The following RBMS3 variants were observed in gnomAD, a reference collection of about 807,000 sequenced individuals.
RBMS3 encodes RNA binding motif single stranded interacting protein 3.
In RBMS3, 27 loss-of-function variants were observed where a neutral mutation model predicts 66.8. That is an observed-to-expected ratio of 0.40 (90% CI 0.30 to 0.56). The LOEUF is 0.56. Ranked by LOEUF, RBMS3 falls within the 20% of genes least tolerant of loss-of-function variation. The pLI is 0.40. For missense variants in RBMS3, 513 were observed against 549.5 expected (o/e 0.93, Z 0.66); for synonymous variants, 188 against 183.0 (o/e 1.03, Z -0.22).
intron 1 of RBMS3, among the ~76,000 whole-genome samples, chr3:29,421,054 A>G (rs1054443179): frequency 2.2e-4 from 33 of 151,926 alleles, no homozygotes; most frequent in African/African-American, 7.0e-4. Flanking sequence ...CGGAGCTTGC[A>G]GTGAGCTAAG....
At chr3:29,703,352 A>C (rs940306721) in intron 4 of RBMS3, among the ~76,000 whole-genome samples, 2 of 152,248 alleles carry the variant, frequency 1.3e-5, no homozygotes, top group Admixed American at 6.5e-5. Flanking sequence ...GTGGGGAAGA[A>C]CTTGGCTGAA....
At chr3:29,999,706 A>C (rs1343123334) in intron 14 of RBMS3, among the ~76,000 whole-genome samples, 3 of 152,028 alleles carry the variant, frequency 2.0e-5, no homozygotes, top group Non-Finnish European at 4.4e-5. Context: ...GGAATTGAAC[A>C]ATGAGAACAC....
intron 6 of RBMS3, among the ~76,000 whole-genome samples, chr3:29,853,744 A>G (rs1489463353): frequency 2.0e-5 from 3 of 152,156 alleles, no homozygotes; most frequent in African/African-American, 7.2e-5. Context: ...TAGTCAGCCT[A>G]GGAAATCCAG....
chr3:29,667,991 T>C (rs1418407430), intron 4 of RBMS3, among the ~76,000 whole-genome samples: 9 of 152,208 alleles, frequency 5.9e-5, no homozygotes, highest in Non-Finnish European at 5.9e-5. Flanking sequence ...ACACTTCCTT[T>C]ACTATCTTTG....
chr3:29,508,307 C>T (rs1474729756), intron 3 of RBMS3, among the ~76,000 whole-genome samples: 1 of 152,022 alleles, frequency 6.6e-6, no homozygotes, highest in African/African-American at 2.4e-5. Flanking sequence ...ACCCACGAAC[C>T]CATCATCTAC....
At chr3:29,566,563 C>G (rs2046747909) in intron 3 of RBMS3, among the ~76,000 whole-genome samples, 1 of 145,674 alleles carries the variant, frequency 6.9e-6, no homozygotes, top group Admixed American at 7.0e-5. Flanking sequence ...TACCTGTCCC[C>G]AAATATTTGT....
chr3:29,979,061 G>T (rs1344880157), intron 12 of RBMS3, among the ~76,000 whole-genome samples: 2 of 152,134 alleles, frequency 1.3e-5, no homozygotes, highest in African/African-American at 4.8e-5. Flanking sequence ...GAGCCCAGGA[G>T]TTTGAGGTTA....
At chr3:29,759,646 T>C (rs1026163683) in intron 5 of RBMS3, among the ~76,000 whole-genome samples, 6 of 152,106 alleles carry the variant, frequency 3.9e-5, no homozygotes, top group African/African-American at 1.4e-4. Context: ...GAGAGGTTAA[T>C]TGTGAAACTT....
At chr3:29,994,168 G>A (rs936236354) in intron 14 of RBMS3, among the ~76,000 whole-genome samples, 12 of 152,192 alleles carry the variant, frequency 7.9e-5, no homozygotes, top group Non-Finnish European at 1.3e-4. Context: ...AAGGGGTGAC[G>A]GACGGCACCT....
At chr3:29,305,283 TG>T (rs1410855999) in intron 1 of RBMS3, among the ~76,000 whole-genome samples, 1 of 152,044 alleles carries the variant, frequency 6.6e-6, no homozygotes, top group African/African-American at 2.4e-5. Flanking sequence ...CTATTGTTAC[TG>T]GATATTTTTC....
At chr3:29,517,424 G>C (rs375736355) in intron 3 of RBMS3, among the ~76,000 whole-genome samples, 1 of 151,342 alleles carries the variant, frequency 6.6e-6, no homozygotes, top group Non-Finnish European at 1.5e-5. Flanking sequence ...CCAGGTTTAC[G>C]CCATTCTCCT....
At chr3:29,396,631 C>A (rs2039562926) in intron 1 of RBMS3, among the ~76,000 whole-genome samples, 1 of 152,036 alleles carries the variant, frequency 6.6e-6, no homozygotes, top group Non-Finnish European at 1.5e-5. Context: ...GTTAGATGGA[C>A]AAATAAATCT....
chr3:29,982,387 T>C (rs1162663515), intron 12 of RBMS3, among the ~76,000 whole-genome samples: 2 of 152,216 alleles, frequency 1.3e-5, no homozygotes, highest in African/African-American at 4.8e-5. Flanking sequence ...CATTGATTTT[T>C]TGAAGGGTTT....
At chr3:29,984,369 C>G (rs142111272) in intron 12 of RBMS3, among the ~76,000 whole-genome samples, 2 of 152,090 alleles carry the variant, frequency 1.3e-5, no homozygotes, top group East Asian at 3.9e-4. Context: ...GCTCCTTTAG[C>G]TCAGAGGAGT....
chr3:29,362,734 A>G (rs2037674665), intron 1 of RBMS3, among the ~76,000 whole-genome samples: 1 of 152,206 alleles, frequency 6.6e-6, no homozygotes, highest in African/African-American at 2.4e-5. Flanking sequence ...ATTGAGCCAT[A>G]TATGGTGTAC....
chr3:29,675,916 C>T (rs1037960618), intron 4 of RBMS3, among the ~76,000 whole-genome samples: 1 of 152,162 alleles, frequency 6.6e-6, no homozygotes, highest in Non-Finnish European at 1.5e-5. Context: ...CCAGTGATCC[C>T]ATTACTGGGT....
chr3:29,646,894 A>G (rs537686643), intron 4 of RBMS3, among the ~76,000 whole-genome samples: 3 of 152,166 alleles, frequency 2.0e-5, no homozygotes, highest in Non-Finnish European at 4.4e-5. Context: ...TATCTTGCAT[A>G]TGTATCTTCC....
intron 3 of RBMS3, among the ~76,000 whole-genome samples, chr3:29,577,104 T>C (rs1414901733): frequency 6.6e-6 from 1 of 152,170 alleles, no homozygotes; most frequent in Non-Finnish European, 1.5e-5. Context: ...GCCCAATGGC[T>C]CTTTAGTCAG....
intron 4 of RBMS3, among the ~76,000 whole-genome samples, chr3:29,627,550 A>G (rs185563473): frequency 2.0e-5 from 3 of 152,110 alleles, no homozygotes; most frequent in African/African-American, 4.8e-5. Context: ...CATTGTTTAT[A>G]TGTTAGCTTA....
Sources: allele counts gnomAD v4.1 joint callset (sites outside exome capture counted in the v4.1 genomes callset), GRCh38; gene constraint gnomAD v4.1.1; transcripts MANE v1.5; gene names NCBI Gene and HGNC (gene_info 2026-07-23, HGNC 2026-07-21).